The following PKD2L1 variants were observed in gnomAD, a reference collection of about 807,000 sequenced individuals.
The protein encoded by PKD2L1 is polycystin 2 like 1, transient receptor potential cation channel, also known as polycystin-2-like protein 1.
A neutral mutation model predicts 93.0 loss-of-function variants in PKD2L1; 77 were observed. The ratio of observed to expected loss-of-function variants is 0.83; its 90% confidence interval spans 0.69 to 1.00. The LOEUF (loss-of-function observed/expected upper bound fraction) is 1.00. Ranked by LOEUF, PKD2L1 falls within the 50% of genes least tolerant of loss-of-function variation. The pLI is 0.00. For synonymous variants in PKD2L1, 390 were observed against 388.0 expected (o/e 1.01, Z -0.06); for missense variants, 977 against 990.9 (o/e 0.99, Z 0.19).
intron 15 of PKD2L1, 68 bp downstream of exon 15, chr10:100,288,904 C>T (rs1368163840): frequency 7.2e-6 from 7 of 976,736 alleles, no homozygotes; most frequent in East Asian, 2.5e-5. Flanking sequence ...GGGGATGTGG[C>T]GAGGGGGCCT....
chr10:100,319,406 C>T (rs916267950), intron 2 of PKD2L1, among the ~76,000 whole-genome samples: 5 of 152,228 alleles, frequency 3.3e-5, no homozygotes, highest in African/African-American at 4.8e-5. Flanking sequence ...CCAGGTCACA[C>T]GCTCTTTCCA....
At chr10:100,301,444 C>T (rs1848671375) in intron 2 of PKD2L1, among the ~76,000 whole-genome samples, 1 of 141,060 alleles carries the variant, frequency 7.1e-6, no homozygotes, top group African/African-American at 2.7e-5. Context: ...CCAGAGCAGC[C>T]ATTTTAGAGG....
At chr10:100,301,283 T>C (rs1252757762) in intron 2 of PKD2L1, among the ~76,000 whole-genome samples, 1 of 152,206 alleles carries the variant, frequency 6.6e-6, no homozygotes, top group Non-Finnish European at 1.5e-5. Context: ...GCATTGTCAT[T>C]GATAAACATC....
intron 2 of PKD2L1, among the ~76,000 whole-genome samples, chr10:100,317,063 G>A (rs943773013): frequency 3.3e-5 from 5 of 151,796 alleles, no homozygotes; most frequent in African/African-American, 1.2e-4. Context: ...ACTGCAGCCT[G>A]GGTGACAGAG....
intron 9 of PKD2L1, 75 bp from the exon 10 acceptor site, chr10:100,293,454 T>C (rs1485359681): frequency 1.6e-5 from 15 of 932,464 alleles, no homozygotes. Context: ...ACCCCATTAA[T>C]GTCCAAGACA....
Position 100,294,575 on chromosome 10 carries a change from T to A in PKD2L1, c.1619A>T (p.Tyr540Phe), listed in dbSNP as rs201190076. 52 of 1,613,752 alleles carry A rather than the reference T, an allele frequency of 3.2e-5. No individual in the cohort carries two copies. The East Asian group carries it at 1.1e-3, about 35-fold the overall frequency. ...DNANRILGPA[Y>F]FVTYVFFVFF... Reference sequence around the variant, plus strand: ...GACGAAGAAGACATAGGTGACAAAGTAGGCAGGGCCCAGGATGCGGTTGGC... The same window carrying A: ...GACGAAGAAGACATAGGTGACAAAGAAGGCAGGGCCCAGGATGCGGTTGGC... The change falls in exon 9 of 16, where the codon TAC becomes TTC. Residue 540 changes from tyrosine to phenylalanine, a missense_variant. Tyr to Phe is a conservative substitution (Grantham distance 22). Transcript: ENST00000318222.
chr10:100,301,346 A>G (rs1848669266), intron 2 of PKD2L1, among the ~76,000 whole-genome samples: 1 of 152,126 alleles, frequency 6.6e-6, no homozygotes, highest in Non-Finnish European at 1.5e-5. Flanking sequence ...GCCAGCCTGG[A>G]ATTTCCTAAT....
At chr10:100,301,462 C>CT (rs555383475) in intron 2 of PKD2L1, among the ~76,000 whole-genome samples, 1 of 151,692 alleles carries the variant, frequency 6.6e-6, no homozygotes, top group Non-Finnish European at 1.5e-5. Context: ...AGGCCCCCCC[C>CT]CCGGGAATGC....
chr10:100,294,630 C>T lies in PKD2L1; in HGVS notation c.1564G>A (p.Gly522Arg), dbSNP rs766073728. The T allele has an allele frequency of 1.7e-5, 27 of 1,613,850 alleles. 1 individual carries two copies. The highest frequency in any genetic ancestry group is 1.4e-4 in the South Asian group (13 of 91,060). ...CIFTQFRIIL[G>R]DFDYNAIDNA... Reference sequence around the variant, plus strand: ...TCGATAGCATTGTAGTCAAAGTCCCCGAGGATTATCCGGAACTGAGTGAAA... The same window carrying T: ...TCGATAGCATTGTAGTCAAAGTCCCTGAGGATTATCCGGAACTGAGTGAAA... Residue 522 changes from glycine (G) to arginine (R), a missense_variant, in exon 9 of 16, where the codon GGG becomes AGG. Physicochemically the swap from Gly to Arg is moderately radical, Grantham distance 125 (BLOSUM62 -2). Transcript: ENST00000318222.
At position 100,313,633 on chromosome 10, in the gene PKD2L1, G is replaced by A. The variant is rs116063956; in HGVS notation, c.350-13915C>T. On this transcript the variant is annotated intron_variant, in intron 2 of 15. Coordinates refer to ENST00000318222, the MANE Select transcript of PKD2L1 (RefSeq NM_016112.3). ...ATATGTTCATCCAATGCCAATAATC[G>A]ATTCTCTCTGGAGTTACTGGGTCTA... Among the ~76,000 whole-genome samples, 411 of 152,164 alleles carry A rather than the reference G, an allele frequency of 2.7e-3. 2 individuals are homozygous for A. Among genetic ancestry groups the A allele is most frequent in the African/African-American group, 9.5e-3 (393 of 41,484 alleles).
At chr10:100,323,532 G>A (rs1192620350) in intron 2 of PKD2L1, among the ~76,000 whole-genome samples, 1 of 152,184 alleles carries the variant, frequency 6.6e-6, no homozygotes, top group African/African-American at 2.4e-5. Flanking sequence ...GTCTGCCGAA[G>A]TTCTGGGATT....
At chr10:100,298,464 G>GA in intron 4 of PKD2L1, 98 bp downstream of exon 4, 7 of 1,242,594 alleles carry the variant, frequency 5.6e-6, no homozygotes, top group Non-Finnish European at 8.0e-6. Context: ...AGAGCTCTGA[G>GA]GCTCTTTAAG....
At chr10:100,321,671 GAAAGAAAGAAAGA>G (rs1849233021) in intron 2 of PKD2L1, among the ~76,000 whole-genome samples, 1 of 790 alleles carries the variant, frequency 1.3e-3, no homozygotes, top group Non-Finnish European at 3.2e-3. Flanking sequence ...AGAAAAGAAA[GAAAGAAAGAAAGA>G]AAGAAAGAAA....
chr10:100,288,895 G>A, intron 15 of PKD2L1, 77 bp downstream of exon 15: 1 of 863,862 alleles, frequency 1.2e-6, no homozygotes, highest in Non-Finnish European at 1.8e-6. Flanking sequence ...AGAAGTGCAG[G>A]GGATGTGGCG....
intron 2 of PKD2L1, among the ~76,000 whole-genome samples, chr10:100,326,092 T>G (rs1849373214): frequency 6.6e-6 from 1 of 152,154 alleles, no homozygotes; most frequent in Admixed American, 6.5e-5. Context: ...AGGACTATCA[T>G]CTCCCCTACT....
intron 3 of PKD2L1, 131 bp downstream of exon 3, chr10:100,299,460 G>T: frequency 2.6e-6 from 2 of 782,794 alleles, no homozygotes; most frequent in Non-Finnish European, 2.1e-6. Flanking sequence ...CATTAATTCA[G>T]CCTGGCCCTT....
At chr10:100,309,264 C>T (rs73341819) in intron 2 of PKD2L1, among the ~76,000 whole-genome samples, 8,021 of 152,134 alleles carry the variant, frequency 0.053, 684 homozygotes, top group African/African-American at 0.18. Flanking sequence ...ATTTTGAAAA[C>T]ACTAAGTGTA....
At position 100,297,438 on chromosome 10, in the gene PKD2L1, C is replaced by A; in HGVS notation, c.900G>T (p.Val300=). ...EGLWLDRGTR[V]VFIDFSVYNA... The stretch of plus-strand genomic sequence containing the variant: ...TGTAGACTGAGAAGTCGATGAACAC[C>A]ACTCGAGTGCCCCTGTCCAGCCACA... Residue 300 remains valine (V), a synonymous_variant, in exon 5 of 16, where the codon GTG becomes GTT. Transcript: ENST00000318222. 1.2e-6 allele frequency: 2 copies of A among 1,614,142 alleles called. No homozygotes were observed. The highest frequency in any genetic ancestry group is 1.7e-6 in the Non-Finnish European group (2 of 1,180,016).
At chr10:100,313,903 A>G (rs1848991315) in intron 2 of PKD2L1, among the ~76,000 whole-genome samples, 1 of 152,230 alleles carries the variant, frequency 6.6e-6, no homozygotes, top group Admixed American at 6.5e-5. Flanking sequence ...CTCTCTCAGT[A>G]CACAACAGGA....
Sources: gnomAD v4.1 joint callset for allele counts (sites outside exome capture counted in the v4.1 genomes callset) on GRCh38, gnomAD v4.1.1 for gene constraint, MANE v1.5 for transcripts, NCBI Gene and HGNC (gene_info 2026-07-23, HGNC 2026-07-21) for gene names.